The following POLR2B variants were observed in gnomAD, a reference collection of about 807,000 sequenced individuals.
POLR2B encodes DNA-directed RNA polymerase II subunit RPB2.
POLR2B carries 57 observed loss-of-function variants against 144.6 expected under a neutral mutation model. The ratio of observed to expected loss-of-function variants is 0.39; its 90% CI spans 0.32 to 0.49. The LOEUF (loss-of-function observed/expected upper bound fraction) is 0.49. POLR2B is among the 20% of genes least tolerant of loss of function. POLR2B has a pLI of 0.83. For missense variants in POLR2B, 595 were observed against 1,467.4 expected, an observed-to-expected ratio of 0.41 and a Z score of 9.71; for synonymous variants, 442 against 469.8, an observed-to-expected ratio of 0.94 and a Z score of 0.77.
At chr4:56,991,847 T>C (rs1473726311) in intron 3 of POLR2B, among the ~76,000 whole-genome samples, 4 of 152,132 alleles carry the variant, frequency 2.6e-5, no homozygotes, top group African/African-American at 9.7e-5. Context: ...TTAGTAGAGA[T>C]GGTGTTTCAC....
At chr4:57,003,303 G>C (rs1183907966) in intron 7 of POLR2B, among the ~76,000 whole-genome samples, 1 of 152,128 alleles carries the variant, frequency 6.6e-6, no homozygotes, top group East Asian at 1.9e-4. Context: ...GGTGGTGTGC[G>C]CCTGTTGTCC....
chr4:57,008,437 C>A (rs1057410702), intron 10 of POLR2B, among the ~76,000 whole-genome samples: 1 of 152,178 alleles, frequency 6.6e-6, no homozygotes, highest in African/African-American at 2.4e-5. Context: ...CTCCTGACAT[C>A]GTGATCTGCC....
At position 57,017,378 on chromosome 4, in the gene POLR2B, T is replaced by A; in HGVS notation, c.2154+137T>A. 1 of 788,540 alleles carries A rather than the reference T, an allele frequency of 1.3e-6. No homozygotes were observed. Among genetic ancestry groups the A allele is most frequent in the Non-Finnish European group, 2.1e-6 (1 of 479,888 alleles). The allele number at this position is 788,540 out of a possible 1,614,324, so 48.8% of individuals were successfully genotyped here. Reference sequence around the variant, plus strand: ...TAACTCCTACGGAATCAGTATTTGATATAATTGCTGTTGTGTTTCATGGTT... The same window carrying A: ...TAACTCCTACGGAATCAGTATTTGAAATAATTGCTGTTGTGTTTCATGGTT... On this transcript the variant is annotated intron_variant, in intron 15 of 24. Coordinates refer to ENST00000314595, the MANE Select transcript of POLR2B (RefSeq NM_000938.3). The surrounding 1 kb of genome is among the most constrained non-coding windows in gnomAD (Gnocchi z 4.8).
chr4:57,009,713 G>A (rs1713978), intron 10 of POLR2B: 36,334 of 152,058 alleles, frequency 0.24, 4,542 homozygotes, highest in Middle Eastern at 0.28. Context: ...AGAGAAAGGT[G>A]ATGCTGCTTA....
intron 2 of POLR2B, 72 bp downstream of exon 2, chr4:56,986,498 G>A: frequency 1.2e-6 from 1 of 854,534 alleles, no homozygotes; most frequent in Non-Finnish European, 2.0e-6. Flanking sequence ...TTGATAAATA[G>A]CTCTTCTATA....
Position 57,025,019 on chromosome 4 carries a change from A to G in POLR2B, c.3078+20A>G. 8.3e-7 allele frequency: 1 copy of G among 1,208,984 alleles called. No homozygotes were observed. Among genetic ancestry groups the G allele is most frequent in the Non-Finnish European group, 1.2e-6 (1 of 836,114 alleles). The allele number at this position is 1,208,984 out of a possible 1,614,324, so 74.9% of individuals were successfully genotyped here. ...AATGAGGTATATTTGCTCTTATAGT[A>G]GTAATTTGCCACTTGTTTTTTTTTG... is the stretch of plus-strand genomic sequence containing the variant. On this transcript the variant is annotated intron_variant, in intron 22 of 24. Coordinates refer to ENST00000314595, the MANE Select transcript of POLR2B (RefSeq NM_000938.3).
chr4:57,015,018 T>C (rs1244742248), intron 13 of POLR2B, among the ~76,000 whole-genome samples: 2 of 152,170 alleles, frequency 1.3e-5, no homozygotes, highest in East Asian at 1.9e-4. Context: ...CTGTATTAGA[T>C]AGCTAGACTA....
At position 56,985,334 on chromosome 4, in the gene POLR2B, C is replaced by T. The variant is rs141544614; in HGVS notation, c.20-1020C>T. On this transcript the variant is annotated intron_variant, in intron 1 of 24. Transcript: ENST00000314595. The stretch of plus-strand genomic sequence containing the variant: ...CTGCGAGGAGGCGGACCGCCCATTC[C>T]GTGCCCGGTAGCCGCGAGGGACCGG... The T allele has an allele frequency of 4.5e-3, 4,438 of 985,510 alleles. 152 individuals are homozygous for T. In the African/African-American group the frequency reaches 0.071, roughly 16 times the overall value. 61.0% of individuals were successfully genotyped at this position (985,510 alleles called of 1,614,324 possible).
At chr4:57,013,905 T>C (rs1204973682) in intron 13 of POLR2B, among the ~76,000 whole-genome samples, 2 of 150,682 alleles carry the variant, frequency 1.3e-5, no homozygotes, top group East Asian at 2.0e-4. Flanking sequence ...GCTAGGAATT[T>C]AGGACCAACC....
At chr4:56,996,206 ATGTGTGTGTGTGTGTG>A in intron 6 of POLR2B, among the ~76,000 whole-genome samples, 1 of 115,338 alleles carries the variant, frequency 8.7e-6, no homozygotes, top group African/African-American at 3.4e-5. Context: ...ATTTCAGTTC[ATGTGTGTGTGTGTGTG>A]TGTGTGTGTG....
chr4:56,992,558 CTATTT>C (rs374819890), intron 3 of POLR2B, among the ~76,000 whole-genome samples: 16,977 of 109,554 alleles, frequency 0.15, 1,475 homozygotes, highest in East Asian at 0.44. Context: ...TTTGGCTTAT[CTATTT>C]TTTTTTTTTT....
chr4:57,025,618 T>C, intron 23 of POLR2B, 81 bp downstream of exon 23: 3 of 912,854 alleles, frequency 3.3e-6, no homozygotes, highest in East Asian at 5.2e-5. Flanking sequence ...GAGATAGTGG[T>C]ATAGTGAATG....
At chr4:57,002,221 G>A (rs1282009195) in intron 7 of POLR2B, among the ~76,000 whole-genome samples, 1 of 152,210 alleles carries the variant, frequency 6.6e-6, no homozygotes, top group African/African-American at 2.4e-5. Context: ...TAGAGATGGA[G>A]TTTTGCCGTG....
intron 1 of POLR2B, among the ~76,000 whole-genome samples, chr4:56,980,089 A>ATT (rs58541865): frequency 0.33 from 45,484 of 138,926 alleles, 7,568 homozygotes; most frequent in Admixed American, 0.4. Flanking sequence ...CAAAAGCTTA[A>ATT]TTTTTTTTTT....
intron 6 of POLR2B, among the ~76,000 whole-genome samples, chr4:56,999,140 C>T (rs1722776637): frequency 6.6e-6 from 1 of 151,622 alleles, no homozygotes. Flanking sequence ...GCCTCACAGA[C>T]CAGCTCTGAT....
chr4:57,022,376 G>A, intron 18 of POLR2B, 130 bp downstream of exon 18: 1 of 627,790 alleles, frequency 1.6e-6, no homozygotes, highest in South Asian at 2.0e-5. Context: ...TGCAATGAAA[G>A]TGTGTTTTCA....
chr4:57,020,595 A>G (rs1379364566), intron 16 of POLR2B, among the ~76,000 whole-genome samples: 1 of 152,120 alleles, frequency 6.6e-6, no homozygotes, highest in Non-Finnish European at 1.5e-5. Flanking sequence ...TGCTGTGAGG[A>G]TCAGGAAACT....
rs1722646037 is a variant in POLR2B, at chr4:56,995,346, T to G, written c.672T>G (p.Cys224Trp). The change falls in exon 6 of 25, where the codon TGT (cysteine) becomes TGG (tryptophan). Residue 224 changes from cysteine to tryptophan, a missense_variant. Physicochemically the swap from Cys to Trp is radical, Grantham distance 215. Coordinates refer to ENST00000314595, the MANE Select transcript of POLR2B (RefSeq NM_000938.3). ...KYAYTGECRS[C>W]LENSSRPTST... ...CCTACACAGGAGAGTGTAGATCATG[T>G]CTTGAGAATTCTTCCCGACCCACCA... The G allele has an allele frequency of 6.3e-7, 1 of 1,581,488 alleles. No individual in the cohort carries two copies. Among genetic ancestry groups the G allele is most frequent in the African/African-American group, 1.5e-5 (1 of 68,150 alleles).
intron 10 of POLR2B, among the ~76,000 whole-genome samples, chr4:57,007,323 G>C (rs543863770): frequency 1.3e-5 from 2 of 152,270 alleles, no homozygotes; most frequent in East Asian, 3.9e-4. Flanking sequence ...GCTGAGGCAG[G>C]AGAATCGCTT....
Sources: allele counts gnomAD v4.1 joint callset (sites outside exome capture counted in the v4.1 genomes callset), GRCh38; gene constraint gnomAD v4.1.1; non-coding constraint Gnocchi (gnomAD v3.1); transcripts MANE v1.5; gene names NCBI Gene and HGNC (gene_info 2026-07-23, HGNC 2026-07-21).